The following SNAP91 variants were observed in gnomAD, a reference collection of about 807,000 sequenced individuals.
The protein encoded by SNAP91 is clathrin coat assembly protein AP180.
SNAP91 carries 27 observed loss-of-function variants against 100.3 expected under a neutral mutation model. The ratio of observed to expected loss-of-function variants is 0.27; its 90% confidence interval spans 0.20 to 0.37. The LOEUF (loss-of-function observed/expected upper bound fraction) is 0.37. Ranked by LOEUF, SNAP91 falls within the 10% of genes least tolerant of loss-of-function variation. The pLI is 1.00. For synonymous variants in SNAP91, 404 were observed against 398.6 expected, an observed-to-expected ratio of 1.01 and a Z score of -0.16; for missense variants, 986 against 1,123.7, an observed-to-expected ratio of 0.88 and a Z score of 1.75.
At chr6:83,673,543 C>T (rs2098818463) in intron 2 of SNAP91, among the ~76,000 whole-genome samples, 1 of 152,160 alleles carries the variant, frequency 6.6e-6, no homozygotes, top group South Asian at 2.1e-4. Flanking sequence ...TACCTCCCTC[C>T]CTTCCTTGAT....
chr6:83,556,695 T>C (rs1325404448), intron 28 of SNAP91, among the ~76,000 whole-genome samples: 1 of 152,220 alleles, frequency 6.6e-6, no homozygotes, highest in Non-Finnish European at 1.5e-5. Context: ...GTTTTCTCTA[T>C]ACAAAAGCAT....
At chr6:83,662,536 C>A in intron 3 of SNAP91, 114 bp from the exon 4 acceptor site, 1 of 410,808 alleles carries the variant, frequency 2.4e-6, no homozygotes, top group South Asian at 7.0e-5. Context: ...CTCTTTTACT[C>A]AGTTATAAAG....
chr6:83,658,190 T>C (rs1445089695), intron 6 of SNAP91, among the ~76,000 whole-genome samples: 1 of 152,168 alleles, frequency 6.6e-6, no homozygotes, highest in African/African-American at 2.4e-5. Context: ...TTTATCCTAA[T>C]GGTAACATCC....
At position 83,596,046 on chromosome 6, in the gene SNAP91, A is replaced by AAT. The variant is rs566218096; in HGVS notation, c.1325-1567_1325-1566dup. On this transcript the variant is annotated intron_variant, in intron 16 of 29. Transcript: ENST00000369694. ...TTGTTCCTCTTTGTTATACTGAGGA[A>AAT]ATATATGTTCAATTTATTTATTATT... 4.2e-4 allele frequency among the ~76,000 whole-genome samples: 64 copies of AAT among 152,242 alleles called. 1 individual carries two copies. The East Asian group carries it at 0.011, about 27-fold the overall frequency.
Position 83,669,914 on chromosome 6 carries a change from G to T in SNAP91, c.131-4333C>A, listed in dbSNP as rs147097736. Reference sequence around the variant, plus strand: ...CACCTGTTGATGAACAATTAAGGGTGATTCCAGTTTTTGGTGATTACAAAT... The same window carrying T: ...CACCTGTTGATGAACAATTAAGGGTTATTCCAGTTTTTGGTGATTACAAAT... On this transcript the variant is annotated intron_variant, in intron 2 of 29. Coordinates refer to ENST00000369694, the MANE Select transcript of SNAP91 (RefSeq NM_001242792.2). Among the ~76,000 whole-genome samples, 243 of 152,022 alleles carry T rather than the reference G, an allele frequency of 1.6e-3. 1 individual carries two copies. Among genetic ancestry groups the T allele is most frequent in the Non-Finnish European group, 1.4e-3 (98 of 67,866 alleles).
chr6:83,570,153 G>A (rs1804247584), intron 26 of SNAP91, among the ~76,000 whole-genome samples: 1 of 152,100 alleles, frequency 6.6e-6, no homozygotes, highest in Non-Finnish European at 1.5e-5. Context: ...TTGGGAATTG[G>A]AGTGAAGGTG....
At chr6:83,677,823 C>G (rs191235630) in intron 2 of SNAP91, among the ~76,000 whole-genome samples, 127 of 152,202 alleles carry the variant, frequency 8.3e-4, no homozygotes, top group African/African-American at 2.9e-3. Flanking sequence ...CAGAAATTTA[C>G]AGGAATAGAA....
At chr6:83,610,504 G>GA in intron 12 of SNAP91, 146 bp downstream of exon 12, 1 of 253,802 alleles carries the variant, frequency 3.9e-6, no homozygotes, top group Admixed American at 5.6e-5. Context: ...AGTTTTGAAA[G>GA]ATAAAAAAAA....
At position 83,556,391 on chromosome 6, in the gene SNAP91, GAGAGAA is replaced by G. The variant is rs1192351610; in HGVS notation, c.2632-152_2632-147del. 645 of 477,506 alleles carry G rather than the reference GAGAGAA, an allele frequency of 1.4e-3. 85 individuals carry two copies. Among genetic ancestry groups the G allele is most frequent in the African/African-American group, 6.6e-3 (293 of 44,186 alleles). 29.6% of individuals were successfully genotyped at this position (477,506 alleles called of 1,614,324 possible). ...AGAGAGAGAGAGAGAGAGAGAGAGA[GAGAGAA>G]AAGCATTAGGCAGAACACATATCAA... On this transcript the variant is annotated intron_variant, in intron 28 of 29. Transcript: ENST00000369694.
At chr6:83,556,001 T>A (rs150749795) in intron 29 of SNAP91, 142 bp downstream of exon 29, 79 of 376,604 alleles carry the variant, frequency 2.1e-4, no homozygotes, top group Non-Finnish European at 3.3e-4. Context: ...GCTTTTAATA[T>A]CAAATTTAAA....
At chr6:83,633,967 C>T (rs1222614324) in intron 8 of SNAP91, among the ~76,000 whole-genome samples, 9 of 144,474 alleles carry the variant, frequency 6.2e-5, no homozygotes, top group South Asian at 2.2e-4. Context: ...GGGGGGAGGG[C>T]GGAGGGATAC....
intron 2 of SNAP91, among the ~76,000 whole-genome samples, chr6:83,687,317 T>G (rs746504466): frequency 1.1e-4 from 16 of 152,222 alleles, no homozygotes; most frequent in Non-Finnish European, 1.8e-4. Flanking sequence ...AATTATTTCA[T>G]GTCCTTCAGG....
At chr6:83,616,172 G>C (rs2096474322) in intron 10 of SNAP91, among the ~76,000 whole-genome samples, 1 of 152,144 alleles carries the variant, frequency 6.6e-6, no homozygotes, top group Admixed American at 6.5e-5. Flanking sequence ...TTCATGAGAA[G>C]GTAGGACTAG....
chr6:83,556,045 A>G (rs1777370862), intron 29 of SNAP91, 98 bp downstream of exon 29: 3 of 612,448 alleles, frequency 4.9e-6, no homozygotes, highest in Non-Finnish European at 5.9e-6. Flanking sequence ...TATTATACAC[A>G]GCTATTCAAA....
At chr6:83,606,977 C>T (rs1267139388) in intron 13 of SNAP91, among the ~76,000 whole-genome samples, 2 of 152,150 alleles carry the variant, frequency 1.3e-5, no homozygotes, top group African/African-American at 4.8e-5. Context: ...ACACAGTTAA[C>T]ATGGGTACAA....
At chr6:83,593,039 A>G in intron 19 of SNAP91, 22 bp from the exon 20 acceptor site, 1 of 1,564,054 alleles carries the variant, frequency 6.4e-7, no homozygotes, top group Non-Finnish European at 8.7e-7. Context: ...GAAACAAACC[A>G]AAACCAAGCA....
At chr6:83,663,918 A>C (rs919614573) in intron 3 of SNAP91, among the ~76,000 whole-genome samples, 1 of 152,110 alleles carries the variant, frequency 6.6e-6, no homozygotes, top group African/African-American at 2.4e-5. Flanking sequence ...AATGCAGCTG[A>C]TGACATGAAG....
chr6:83,612,570 A>G (rs927798479), intron 11 of SNAP91, among the ~76,000 whole-genome samples: 1 of 152,056 alleles, frequency 6.6e-6, no homozygotes, highest in African/African-American at 2.4e-5. Context: ...TACAATTATA[A>G]ATACTAATAA....
At chr6:83,690,741 ATGGG>A (rs2099119903) in intron 2 of SNAP91, among the ~76,000 whole-genome samples, 1 of 152,072 alleles carries the variant, frequency 6.6e-6, no homozygotes, top group African/African-American at 2.4e-5. Context: ...GAAAAATGAG[ATGGG>A]CAGTATTAGA....
Sources: gnomAD v4.1 joint callset for allele counts (sites outside exome capture counted in the v4.1 genomes callset) on GRCh38, gnomAD v4.1.1 for gene constraint, MANE v1.5 for transcripts, NCBI Gene and HGNC (gene_info 2026-07-23, HGNC 2026-07-21) for gene names.